The following ZFYVE28 variants were observed in gnomAD, a reference collection of about 807,000 sequenced individuals.
ZFYVE28 encodes the protein lateral signaling target protein 2 homolog.
A neutral mutation model predicts 82.1 loss-of-function variants in ZFYVE28; 40 were observed. That is an observed-to-expected ratio of 0.49 (90% CI 0.38 to 0.63). ZFYVE28 has a LOEUF of 0.63. ZFYVE28 is among the 30% of genes least tolerant of loss of function. ZFYVE28 has a pLI of 0.00. For missense variants in ZFYVE28, 1,321 were observed against 1,242.1 expected (o/e 1.06, Z -0.96); for synonymous variants, 612 against 546.1 (o/e 1.12, Z -1.68).
At chr4:2,278,535 G>T (rs905267794) in intron 8 of ZFYVE28, among the ~76,000 whole-genome samples, 1 of 151,868 alleles carries the variant, frequency 6.6e-6, no homozygotes, top group African/African-American at 2.4e-5. Flanking sequence ...GTGGCGTTAG[G>T]CTAGGCCACA....
At chr4:2,382,469 C>T (rs1311946511) in intron 1 of ZFYVE28, among the ~76,000 whole-genome samples, 1 of 152,248 alleles carries the variant, frequency 6.6e-6, no homozygotes, top group Admixed American at 6.5e-5. Flanking sequence ...GGATGTGAGA[C>T]CTGGAGTCAA....
At chr4:2,297,221 C>G (rs1028960751) in intron 8 of ZFYVE28, among the ~76,000 whole-genome samples, 3 of 152,236 alleles carry the variant, frequency 2.0e-5, no homozygotes. Context: ...CTGGGGGCCA[C>G]AGGACCCTCT....
chr4:2,344,275 G>A (rs1723206628), intron 2 of ZFYVE28, among the ~76,000 whole-genome samples: 1 of 152,180 alleles, frequency 6.6e-6, no homozygotes, highest in East Asian at 1.9e-4. Flanking sequence ...TGCCTGTGGG[G>A]AGATGACCTA....
intron 1 of ZFYVE28, among the ~76,000 whole-genome samples, chr4:2,368,617 A>G (rs1255196766): frequency 6.6e-6 from 1 of 152,174 alleles, no homozygotes; most frequent in Non-Finnish European, 1.5e-5. Flanking sequence ...TGTTACTGTC[A>G]CAGAGCAGTG....
intron 6 of ZFYVE28, among the ~76,000 whole-genome samples, chr4:2,334,110 G>A (rs1284844944): frequency 6.6e-6 from 1 of 152,144 alleles, no homozygotes; most frequent in Non-Finnish European, 1.5e-5. Flanking sequence ...CCTCTGGCGC[G>A]ATGTGAGGCT....
intron 1 of ZFYVE28, among the ~76,000 whole-genome samples, chr4:2,414,264 G>A (rs763921297): frequency 1.3e-5 from 2 of 152,232 alleles, no homozygotes; most frequent in Admixed American, 6.5e-5. Context: ...CTCAGTCCTG[G>A]CAGGTTCCCA....
Position 2,339,530 on chromosome 4 carries a change from C to T in ZFYVE28, c.444G>A (p.Arg148=). The change falls in exon 4 of 13, where the codon CGG becomes CGA. Residue 148 remains arginine (R), a synonymous_variant. Transcript: ENST00000290974. The surrounding 1 kb of genome is among the most constrained non-coding windows in gnomAD (Gnocchi z 5.0). ...VRGALRDQAL[R]DLNTYTEKMR... Reference sequence around the variant, plus strand: ...TCTTCTCTGTGTAGGTGTTCAGGTCCCGCAGCGCCTGGTCACGGAGGGCGC... The same window carrying T: ...TCTTCTCTGTGTAGGTGTTCAGGTCTCGCAGCGCCTGGTCACGGAGGGCGC... 1 of 1,613,874 alleles carries T rather than the reference C, an allele frequency of 6.2e-7. No homozygotes were observed. The highest frequency in any genetic ancestry group is 8.5e-7 in the Non-Finnish European group (1 of 1,179,964).
At chr4:2,403,086 G>A (rs961033397) in intron 1 of ZFYVE28, among the ~76,000 whole-genome samples, 1 of 152,222 alleles carries the variant, frequency 6.6e-6, no homozygotes, top group Non-Finnish European at 1.5e-5. Context: ...AACAATACAG[G>A]TCCTTTCCCC....
chr4:2,361,110 TATTTTCTCAAAGATAA>T (rs1183243135), intron 1 of ZFYVE28, among the ~76,000 whole-genome samples: 13 of 152,210 alleles, frequency 8.5e-5, no homozygotes, highest in Non-Finnish European at 1.5e-4. Context: ...ACTACATCAA[TATTTTCTCAAAGATAA>T]ATTTTCTCAA....
intron 8 of ZFYVE28, 151 bp downstream of exon 8, chr4:2,304,138 A>G: frequency 9.8e-7 from 1 of 1,017,330 alleles, no homozygotes; most frequent in East Asian, 2.6e-5. Flanking sequence ...GCCCCTCCTC[A>G]CACACAGACC....
chr4:2,318,738 G>A (rs932842681), intron 7 of ZFYVE28, among the ~76,000 whole-genome samples: 2 of 152,136 alleles, frequency 1.3e-5, no homozygotes, highest in African/African-American at 4.8e-5. Context: ...GCAGAGGCAC[G>A]TTCCACCCAC....
intron 7 of ZFYVE28, chr4:2,319,234 G>A: frequency 6.6e-6 from 1 of 152,458 alleles, no homozygotes; most frequent in Non-Finnish European, 1.5e-5. Context: ...GGATGAGACT[G>A]CAACCTCCAG....
In ZFYVE28 at chr4:2,340,890, G is replaced by T. The variant is rs144699386; in HGVS notation, c.318+588C>A. ...AAGGGGAGGCGGGCAGGATGGGGAC[G>T]GCACAATAGAGAGGGTGGCGGTGTC... On this transcript the variant is annotated intron_variant, in intron 3 of 12. Coordinates refer to ENST00000290974, the MANE Select transcript of ZFYVE28 (RefSeq NM_020972.3). Among the ~76,000 whole-genome samples, 9 of 152,200 alleles carry T rather than the reference G, an allele frequency of 5.9e-5. No individual in the cohort carries two copies. The East Asian group carries it at 1.7e-3, about 29-fold the overall frequency.
intron 2 of ZFYVE28, among the ~76,000 whole-genome samples, chr4:2,351,635 A>T (rs1309673664): frequency 6.6e-6 from 1 of 152,130 alleles, no homozygotes; most frequent in Non-Finnish European, 1.5e-5. Context: ...AATCGCTTGA[A>T]CCTGGGAGGT....
intron 7 of ZFYVE28, among the ~76,000 whole-genome samples, chr4:2,307,902 T>C (rs1035386361): frequency 5.9e-5 from 9 of 152,206 alleles, no homozygotes; most frequent in African/African-American, 1.9e-4. Flanking sequence ...GAGACATTTT[T>C]CCTCATGTGG....
At position 2,280,509 on chromosome 4, in the gene ZFYVE28, C is replaced by G. The variant is rs144614321; in HGVS notation, c.2052-6293G>C. Among the ~76,000 whole-genome samples, 400 of 152,222 alleles carry G rather than the reference C, an allele frequency of 2.6e-3. 3 individuals are homozygous for G. The highest frequency in any genetic ancestry group is 9.4e-3 in the African/African-American group (391 of 41,512). On this transcript the variant is annotated intron_variant, in intron 8 of 12. Transcript: ENST00000290974. ...GCCTGGGCAACGAGCAAGACCCTGT[C>G]TCTTAAAATAAATAAAATAATAAAA...
At chr4:2,404,959 G>A (rs192183889) in intron 1 of ZFYVE28, among the ~76,000 whole-genome samples, 15 of 148,014 alleles carry the variant, frequency 1.0e-4, no homozygotes, top group African/African-American at 3.3e-4. Context: ...TCAAACTCCT[G>A]GGCTCAAGCA....
intron 1 of ZFYVE28, among the ~76,000 whole-genome samples, chr4:2,370,869 C>G (rs1288935872): frequency 6.6e-6 from 1 of 152,206 alleles, no homozygotes; most frequent in Non-Finnish European, 1.5e-5. Flanking sequence ...GCACCCAACC[C>G]TGCCACGTCC....
Position 2,388,205 on chromosome 4 carries a change from T to C in ZFYVE28, c.39+30080A>G, listed in dbSNP as rs149338384. ...ATTGTCTTCAAAGCCGGGACACAAA[T>C]TCAAGACACATAAAAACTGGCAATC... On this transcript the variant is annotated intron_variant, in intron 1 of 12. Coordinates refer to ENST00000290974, the MANE Select transcript of ZFYVE28 (RefSeq NM_020972.3). 4.5e-3 allele frequency among the ~76,000 whole-genome samples: 690 copies of C among 152,276 alleles called. 7 individuals carry two copies. Among genetic ancestry groups the C allele is most frequent in the African/African-American group, 0.015 (620 of 41,536 alleles).
Sources: allele counts gnomAD v4.1 joint callset (sites outside exome capture counted in the v4.1 genomes callset), GRCh38; gene constraint gnomAD v4.1.1; non-coding constraint Gnocchi (gnomAD v3.1); transcripts MANE v1.5; gene names NCBI Gene and HGNC (gene_info 2026-07-23, HGNC 2026-07-21).